Variants in GLIPR1 observed in about 807,000 individuals in gnomAD.
GLIPR1 encodes glioma pathogenesis-related protein 1.
Under a neutral mutation model 30.3 loss-of-function variants are expected in GLIPR1, and 38 were observed. That is an observed-to-expected ratio of 1.26 (90% CI 0.97 to 1.65). GLIPR1 has a LOEUF of 1.65. Among genes scored for constraint, GLIPR1 ranks in the 40% most tolerant of loss-of-function variants. The pLI is 0.00. For synonymous variants in GLIPR1, 122 were observed against 110.6 expected, an observed-to-expected ratio of 1.10 and a Z score of -0.65; for missense variants, 285 against 326.5, an observed-to-expected ratio of 0.87 and a Z score of 0.98.
chr12:75,502,167 A>G lies in GLIPR1; in HGVS notation c.*3189A>G. Reference sequence around the variant, plus strand: ...AGAGTCTAAGCTGAGGGGAATACATACACAAAAGTGTGGAGGTAGGAAAGC... The same window carrying G: ...AGAGTCTAAGCTGAGGGGAATACATGCACAAAAGTGTGGAGGTAGGAAAGC... On this transcript the variant is annotated 3_prime_UTR_variant, in exon 6 of 6. Coordinates refer to ENST00000266659, the MANE Select transcript of GLIPR1 (RefSeq NM_006851.3). 1.7e-6 allele frequency: 1 copy of G among 587,810 alleles called. No individual in the cohort carries two copies. Among genetic ancestry groups the G allele is most frequent in the South Asian group, 2.1e-5 (1 of 46,636 alleles). 36.4% of individuals were successfully genotyped at this position (587,810 alleles called of 1,614,324 possible).
chr12:75,481,039 T>G lies in GLIPR1; in HGVS notation c.159T>G (p.Ser53Arg). ...GATCAGAGGTGAAACCAACAGCCAG[T>G]GATATGCTATACATGGTAAGGAAAA... ...KFRSEVKPTA[S>R]DMLYMTWDPA... is the part of the protein sequence containing the mutation. The change falls in exon 1 of 6, where the codon AGT (serine) becomes AGG (arginine). Residue 53 changes from serine (S) to arginine (R), a missense_variant. By Grantham distance (110) the Ser-to-Arg change is moderately radical. Coordinates refer to ENST00000266659, the MANE Select transcript of GLIPR1 (RefSeq NM_006851.3). 1.1e-5 allele frequency: 17 copies of G among 1,612,752 alleles called. No individual in the cohort carries two copies. The highest frequency in any genetic ancestry group is 1.4e-5 in the Non-Finnish European group (17 of 1,178,918).
intron 2 of GLIPR1, 44 bp downstream of exon 2, chr12:75,482,123 A>G (rs2120491241): frequency 6.4e-7 from 1 of 1,557,052 alleles, no homozygotes; most frequent in East Asian, 2.2e-5. Context: ...CTTTTCAAGT[A>G]TGAGGAGAAA....
Position 75,502,410 on chromosome 12 carries a change from T to C in GLIPR1, c.*3432T>C, listed in dbSNP as rs1216337772. ...AATTTTAATGGAGAGGAATGAAGAA[T>C]AGATGAGAGCCTGGAATAAAGGTAG... On this transcript the variant is annotated 3_prime_UTR_variant, in exon 6 of 6. Transcript: ENST00000266659. The C allele has an allele frequency of 6.4e-6, 1 of 155,692 alleles. No homozygotes were observed. The highest frequency in any genetic ancestry group is 2.4e-5 in the African/African-American group (1 of 41,478). The allele number at this position is 155,692 out of a possible 1,614,324, so 9.6% of individuals were successfully genotyped here. A position where few individuals can be genotyped will look rare whatever the true frequency, so the allele number is the denominator to read the frequency against.
At chr12:75,495,129 TA>T (rs1466466342) in intron 3 of GLIPR1, 2 of 152,466 alleles carry the variant, frequency 1.3e-5, no homozygotes, top group East Asian at 3.8e-4. Context: ...CAACTGAGAA[TA>T]TTGAATGTGG....
At chr12:75,484,020 A>G (rs1427122707) in intron 2 of GLIPR1, 1 of 152,222 alleles carries the variant, frequency 6.6e-6, no homozygotes, top group Non-Finnish European at 1.5e-5. Context: ...GATTTCACAG[A>G]TGGCCCTCCC....
intron 3 of GLIPR1, chr12:75,491,262 ATGGCTCCT>A (rs1294671739): frequency 6.6e-6 from 1 of 152,178 alleles, no homozygotes; most frequent in African/African-American, 2.4e-5. Flanking sequence ...AGTTTATGAG[ATGGCTCCT>A]ATTACTACCC....
chr12:75,490,583 C>CAA (rs55774067), intron 3 of GLIPR1, 65 bp downstream of exon 3: 1 of 102,186 alleles, frequency 9.8e-6, no homozygotes, highest in South Asian at 7.9e-5. Context: ...AAAACAACAA[C>CAA]AAAAAAAAAC....
At chr12:75,492,208 C>T (rs1271765403) in intron 3 of GLIPR1, 2 of 151,912 alleles carry the variant, frequency 1.3e-5, no homozygotes, top group Admixed American at 1.3e-4. Flanking sequence ...CCCAACTCAG[C>T]CTTCCTAGTA....
chr12:75,495,944 C>A, intron 4 of GLIPR1: 1 of 224,952 alleles, frequency 4.4e-6, no homozygotes, highest in Non-Finnish European at 8.6e-6. Flanking sequence ...CTTATTTCAG[C>A]AAGATCAAAA....
chr12:75,480,863 C>T lies in GLIPR1; in HGVS notation c.-18C>T. ...GGCTCTGGACTGCAGCCTCCCAAGG[C>T]TCCATGCCAGACAAAGCATGCGTGT... On this transcript the variant is annotated 5_prime_UTR_variant, in exon 1 of 6. Coordinates refer to ENST00000266659, the MANE Select transcript of GLIPR1 (RefSeq NM_006851.3). The T allele has an allele frequency of 6.3e-6, 10 of 1,596,946 alleles. No homozygotes were observed. Among genetic ancestry groups the T allele is most frequent in the Non-Finnish European group, 8.6e-6 (10 of 1,168,822 alleles).
chr12:75,490,151 T>C (rs1232312787), intron 2 of GLIPR1, among the ~76,000 whole-genome samples: 3 of 151,490 alleles, frequency 2.0e-5, no homozygotes, highest in Middle Eastern at 3.4e-3. Context: ...CCCTATTGCA[T>C]TACCGTTTTA....
At chr12:75,487,758 G>A (rs866859154) in intron 2 of GLIPR1, 26 of 456,316 alleles carry the variant, frequency 5.7e-5, no homozygotes, top group Non-Finnish European at 1.0e-4. Flanking sequence ...GAAAGGGGTC[G>A]GGATCCAAAC....
Position 75,481,860 on chromosome 12 carries a change from T to C in GLIPR1, c.201T>C (p.Ile67=), listed in dbSNP as rs1230630965. The C allele has an allele frequency of 6.2e-7, 1 of 1,614,118 alleles. No homozygotes were observed. The highest frequency in any genetic ancestry group is 1.7e-5 in the Admixed American group (1 of 60,022). ...CTTGGGACCCAGCACTAGCCCAAAT[T>C]GCAAAAGCATGGGCCAGCAATTGCC... ...YMTWDPALAQ[I]AKAWASNCQF... Residue 67 remains isoleucine, a synonymous_variant, in exon 2 of 6, where the codon ATT becomes ATC. Coordinates refer to ENST00000266659, the MANE Select transcript of GLIPR1 (RefSeq NM_006851.3).
chr12:75,499,668 G>T lies in GLIPR1; in HGVS notation c.*690G>T, dbSNP rs1275771349. On this transcript the variant is annotated 3_prime_UTR_variant, in exon 6 of 6. Transcript: ENST00000266659. ...ATACAATAATAATATAATTTATAAAGAACACTCTTCTATGAACAACCACCA... is the reference window on the plus strand; with the variant it reads ...ATACAATAATAATATAATTTATAAATAACACTCTTCTATGAACAACCACCA... 1.3e-5 allele frequency: 6 copies of T among 450,006 alleles called. No homozygotes were observed. Among genetic ancestry groups the T allele is most frequent in the Non-Finnish European group, 1.9e-5 (5 of 266,114 alleles). The allele number at this position is 450,006 out of a possible 1,614,324, so 27.9% of individuals were successfully genotyped here. A position where few individuals can be genotyped will look rare whatever the true frequency, so the allele number is the denominator to read the frequency against.
intron 3 of GLIPR1, chr12:75,492,821 A>T (rs1486904456): frequency 6.6e-6 from 1 of 152,236 alleles, no homozygotes; most frequent in African/African-American, 2.4e-5. Flanking sequence ...AGATAATAAA[A>T]ATACAAGTAA....
Position 75,502,371 on chromosome 12 carries a change from A to G in GLIPR1, c.*3393A>G, listed in dbSNP as rs1301252982. 1 of 164,748 alleles carries G rather than the reference A, an allele frequency of 6.1e-6. No individual in the cohort carries two copies. The highest frequency in any genetic ancestry group is 1.3e-5 in the Non-Finnish European group (1 of 76,470). The allele number at this position is 164,748 out of a possible 1,614,324, so 10.2% of individuals were successfully genotyped here. A position where few individuals can be genotyped will look rare whatever the true frequency, so the allele number is the denominator to read the frequency against. On this transcript the variant is annotated 3_prime_UTR_variant, in exon 6 of 6. Coordinates refer to ENST00000266659, the MANE Select transcript of GLIPR1 (RefSeq NM_006851.3). ...GACTGTAGGTTTCTGAGAAGACTGT[A>G]AAGACCAAAGAATAATTTTAATGGA...
At chr12:75,490,551 C>CGGGGGGGGGGGGGGGGGGGGGGGGGGGGG in intron 3 of GLIPR1, 33 bp downstream of exon 3, 1 of 117,276 alleles carries the variant, frequency 8.5e-6, no homozygotes, top group East Asian at 1.6e-4. Context: ...TTATAGGAAA[C>CGGGGGGGGGGGGGGGGGGGGGGGGGGGGG]GCCCCCCCCC....
In GLIPR1 at chr12:75,501,917, C is replaced by A. The variant is rs1490082255; in HGVS notation, c.*2939C>A. 1 of 1,607,228 alleles carries A rather than the reference C, an allele frequency of 6.2e-7. No individual in the cohort carries two copies. Among genetic ancestry groups the A allele is most frequent in the South Asian group, 1.1e-5 (1 of 90,890 alleles). On this transcript the variant is annotated 3_prime_UTR_variant, in exon 6 of 6. Coordinates refer to ENST00000266659, the MANE Select transcript of GLIPR1 (RefSeq NM_006851.3). Reference sequence around the variant, plus strand: ...ATTCATGTGAGCCAGACATAAAGTGCCGTACCTTTATTGCTTCCATTTTCT... The same window carrying A: ...ATTCATGTGAGCCAGACATAAAGTGACGTACCTTTATTGCTTCCATTTTCT...
At chr12:75,483,411 T>C (rs577124159) in intron 2 of GLIPR1, 9 of 152,200 alleles carry the variant, frequency 5.9e-5, no homozygotes, top group Admixed American at 5.9e-4. Context: ...ACTAGTGATA[T>C]GTCTTAGTCC....
Sources: gnomAD v4.1 joint callset for allele counts (sites outside exome capture counted in the v4.1 genomes callset) on GRCh38, gnomAD v4.1.1 for gene constraint, MANE v1.5 for transcripts, NCBI Gene and HGNC (gene_info 2026-07-23, HGNC 2026-07-21) for gene names.